Variants in TMTC1 observed in about 807,000 individuals in gnomAD.
TMTC1 encodes the protein protein O-mannosyl-transferase TMTC1.
A neutral mutation model predicts 104.8 loss-of-function variants in TMTC1; 73 were observed. The observed-to-expected ratio is 0.70, with a 90% CI of 0.58 to 0.85. TMTC1 has a LOEUF of 0.85. Ranked by LOEUF, TMTC1 falls within the 40% of genes least tolerant of loss-of-function variation. TMTC1 has a pLI of 0.00. For synonymous variants in TMTC1, 434 were observed against 428.7 expected (o/e 1.01, Z -0.15); for missense variants, 1,035 against 1,096.1 (o/e 0.94, Z 0.79).
chr12:29,578,608 C>T lies in TMTC1; in HGVS notation c.1418+4799G>A, dbSNP rs912072776. Among the ~76,000 whole-genome samples, 4 of 152,160 alleles carry T rather than the reference C, an allele frequency of 2.6e-5. No individual in the cohort carries two copies. The East Asian group carries it at 7.7e-4, about 29-fold the overall frequency. ...CCCTTTCAACTCAGGATTTTAAATC[C>T]ACGCATTTCACGTATCTCCCTCACA... On this transcript the variant is annotated intron_variant, in intron 8 of 17. Coordinates refer to ENST00000539277, the MANE Select transcript of TMTC1 (RefSeq NM_001193451.2).
At chr12:29,601,359 C>T (rs565968459) in intron 7 of TMTC1, among the ~76,000 whole-genome samples, 1 of 152,310 alleles carries the variant, frequency 6.6e-6, no homozygotes, top group Non-Finnish European at 1.5e-5. Flanking sequence ...GTTAAAAATT[C>T]CAGCCCTTCA....
intron 8 of TMTC1, among the ~76,000 whole-genome samples, chr12:29,581,553 T>G (rs1945981213): frequency 6.6e-6 from 1 of 152,086 alleles, no homozygotes; most frequent in Non-Finnish European, 1.5e-5. Flanking sequence ...GCCAATCAGC[T>G]ATTTTTTTTT....
At chr12:29,739,716 T>G (rs191388289) in intron 5 of TMTC1, among the ~76,000 whole-genome samples, 15 of 149,338 alleles carry the variant, frequency 1.0e-4, no homozygotes, top group Admixed American at 4.0e-4. Flanking sequence ...ATCTTTTTTG[T>G]TTTTTTTTCC....
At chr12:29,663,699 T>TTTTTTTTTTTTTTTG in intron 5 of TMTC1, among the ~76,000 whole-genome samples, 1 of 148,698 alleles carries the variant, frequency 6.7e-6, no homozygotes, top group Non-Finnish European at 1.5e-5. Flanking sequence ...GTACTTTTAG[T>TTTTTTTTTTTTTTTG]AGAGACAGGG....
intron 2 of TMTC1, among the ~76,000 whole-genome samples, chr12:29,760,709 T>C (rs890235249): frequency 2.0e-5 from 3 of 151,910 alleles, no homozygotes; most frequent in Middle Eastern, 3.4e-3. Flanking sequence ...GATAAAAATA[T>C]AAATGAATAT....
intron 11 of TMTC1, among the ~76,000 whole-genome samples, chr12:29,524,546 A>G (rs1944280738): frequency 6.6e-6 from 1 of 152,208 alleles, no homozygotes; most frequent in African/African-American, 2.4e-5. Flanking sequence ...GGAGCCTATT[A>G]TGAGGGATGA....
intron 5 of TMTC1, among the ~76,000 whole-genome samples, chr12:29,677,866 T>C (rs892457833): frequency 1.4e-4 from 22 of 152,272 alleles, no homozygotes; most frequent in African/African-American, 5.3e-4. Context: ...CATATGGCTA[T>C]AATTGCTCTA....
At chr12:29,781,288 G>A (rs112153398) in intron 1 of TMTC1, among the ~76,000 whole-genome samples, 1 of 152,178 alleles carries the variant, frequency 6.6e-6, no homozygotes, top group African/African-American at 2.4e-5. Flanking sequence ...AAAAAAGAGT[G>A]TATCTTTCAT....
chr12:29,713,509 T>C (rs1941995546), intron 5 of TMTC1, among the ~76,000 whole-genome samples: 1 of 151,914 alleles, frequency 6.6e-6, no homozygotes, highest in Admixed American at 6.6e-5. Context: ...GGTCACTGAG[T>C]TACATAAATT....
intron 8 of TMTC1, among the ~76,000 whole-genome samples, chr12:29,579,830 C>G (rs558197832): frequency 2.0e-5 from 3 of 152,268 alleles, no homozygotes; most frequent in Non-Finnish European, 4.4e-5. Context: ...TCATAAATCT[C>G]TCTCTCTGCT....
At chr12:29,725,943 C>G (rs1273848571) in intron 5 of TMTC1, among the ~76,000 whole-genome samples, 1 of 152,230 alleles carries the variant, frequency 6.6e-6, no homozygotes, top group East Asian at 1.9e-4. Context: ...ATCCTAAAGA[C>G]AGACTGCCTG....
At chr12:29,702,046 G>T (rs188308854) in intron 5 of TMTC1, among the ~76,000 whole-genome samples, 40 of 152,244 alleles carry the variant, frequency 2.6e-4, no homozygotes, top group Admixed American at 2.4e-3. Flanking sequence ...AAAATAATAT[G>T]CTAGAATAAT....
At chr12:29,583,945 T>C (rs372352114) in intron 7 of TMTC1, among the ~76,000 whole-genome samples, 16 of 152,302 alleles carry the variant, frequency 1.1e-4, no homozygotes, top group African/African-American at 3.6e-4. Flanking sequence ...TATGACTCTA[T>C]TGGCACTATG....
At chr12:29,508,172 C>T (rs1943741784) in intron 17 of TMTC1, among the ~76,000 whole-genome samples, 1 of 152,138 alleles carries the variant, frequency 6.6e-6, no homozygotes, top group South Asian at 2.1e-4. Context: ...GTGGAAATGA[C>T]AGCACAAGAA....
intron 5 of TMTC1, among the ~76,000 whole-genome samples, chr12:29,707,712 T>C (rs551092134): frequency 3.9e-5 from 6 of 152,210 alleles, no homozygotes; most frequent in East Asian, 1.9e-4. Context: ...TCTTCAACCA[T>C]GTTCTCTTTC....
At chr12:29,671,597 C>G (rs374038338) in intron 5 of TMTC1, among the ~76,000 whole-genome samples, 4 of 152,314 alleles carry the variant, frequency 2.6e-5, no homozygotes, top group African/African-American at 9.6e-5. Flanking sequence ...GGTGCTATTG[C>G]TATGCTCATT....
At position 29,668,222 on chromosome 12, in the gene TMTC1, T is replaced by G. The variant is rs566948010; in HGVS notation, c.939-34886A>C. On this transcript the variant is annotated intron_variant, in intron 5 of 17. Coordinates refer to ENST00000539277, the MANE Select transcript of TMTC1 (RefSeq NM_001193451.2). ...TCTTCTAGTCCTGGAGGCTGGAGAG[T>G]GCAAGATCAAGGCACCAGCATCTGG... 2.0e-3 allele frequency among the ~76,000 whole-genome samples: 301 copies of G among 152,130 alleles called. 2 individuals are homozygous for G. The highest frequency in any genetic ancestry group is 7.1e-3 in the African/African-American group (293 of 41,506).
Position 29,559,725 on chromosome 12 carries a change from C to T in TMTC1, c.1533-2725G>A, listed in dbSNP as rs144563026. Among the ~76,000 whole-genome samples, 607 of 152,228 alleles carry T rather than the reference C, an allele frequency of 4.0e-3. 2 individuals carry two copies. Among genetic ancestry groups the T allele is most frequent in the Non-Finnish European group, 7.0e-3 (475 of 68,014 alleles). On this transcript the variant is annotated intron_variant, in intron 9 of 17. Transcript: ENST00000539277. ...TACAGGGACTCGCTGATTCTATAAC[C>T]AAGCAAAGCCCTCCACCTGGAAAAT... is the stretch of plus-strand genomic sequence containing the variant.
At chr12:29,637,492 T>C (rs1938616540) in intron 5 of TMTC1, among the ~76,000 whole-genome samples, 1 of 152,166 alleles carries the variant, frequency 6.6e-6, no homozygotes, top group Non-Finnish European at 1.5e-5. Context: ...GAATTCAGCT[T>C]AAACAATTTA....
Sources: gnomAD v4.1 joint callset for allele counts (sites outside exome capture counted in the v4.1 genomes callset) on GRCh38, gnomAD v4.1.1 for gene constraint, MANE v1.5 for transcripts, NCBI Gene and HGNC (gene_info 2026-07-23, HGNC 2026-07-21) for gene names.